Variants in ESRRG observed in about 807,000 individuals in gnomAD.
ESRRG encodes the protein estrogen related receptor gamma.
A neutral mutation model predicts 44.0 loss-of-function variants in ESRRG; 13 were observed. That is an observed-to-expected ratio of 0.30 (90% CI 0.19 to 0.47). ESRRG has a LOEUF of 0.47. Among genes scored for constraint, ESRRG ranks in the 20% least tolerant of loss-of-function variants. The pLI, the probability that ESRRG is intolerant of heterozygous loss-of-function variation, is 1.00. For missense variants in ESRRG, 395 were observed against 580.6 expected (o/e 0.68, Z 3.29); for synonymous variants, 215 against 214.6 (o/e 1.00, Z -0.02).
chr1:216,737,152 A>G (rs2090059265), intron 2 of ESRRG, among the ~76,000 whole-genome samples: 1 of 152,186 alleles, frequency 6.6e-6, no homozygotes, highest in Non-Finnish European at 1.5e-5. Flanking sequence ...CTCTAAATTC[A>G]GTTCTTTCTC....
intron 2 of ESRRG, among the ~76,000 whole-genome samples, chr1:216,651,805 T>C (rs553104085): frequency 6.1e-4 from 93 of 152,316 alleles, no homozygotes; most frequent in South Asian, 1.2e-3. Flanking sequence ...TAAACTGCTA[T>C]GAAATTATAT....
chr1:216,885,681 T>C (rs1034908773), intron 2 of ESRRG, among the ~76,000 whole-genome samples: 6 of 152,136 alleles, frequency 3.9e-5, no homozygotes, highest in African/African-American at 1.4e-4. Flanking sequence ...TCCTTAAAAA[T>C]ATTCTGAGAT....
chr1:216,823,997 C>A lies in ESRRG; in HGVS notation c.-14+115585G>T, dbSNP rs2095346909. On this transcript the variant is annotated intron_variant, in intron 2 of 7. Coordinates refer to the ESRRG transcript ENST00000359162. ...TTGAGGGCAGGTTCCAACTACAATGCATTCTTCTTATTTATCTTTTTTTCT... is the reference window on the plus strand; with the variant it reads ...TTGAGGGCAGGTTCCAACTACAATGAATTCTTCTTATTTATCTTTTTTTCT... Among the ~76,000 whole-genome samples the A allele has an allele frequency of 2.0e-5, 3 of 152,102 alleles. No homozygotes were observed. In the South Asian group the frequency reaches 6.2e-4, roughly 32 times the overall value.
chr1:216,766,262 T>C lies in ESRRG; in HGVS notation c.-13-88771A>G, dbSNP rs570157632. On this transcript the variant is annotated intron_variant, in intron 2 of 7. Transcript: ENST00000359162. ...ACAAAGATGAAGATAACTCCCTGCA[T>C]TGGATATTTGAATTTATAGCTGCTG... Among the ~76,000 whole-genome samples the C allele has an allele frequency of 6.6e-5, 10 of 152,156 alleles. No homozygotes were observed. The South Asian group carries it at 2.1e-3, about 32-fold the overall frequency.
intron 3 of ESRRG, among the ~76,000 whole-genome samples, chr1:216,645,745 G>A (rs1346693606): frequency 6.6e-6 from 1 of 151,616 alleles, no homozygotes; most frequent in Admixed American, 6.6e-5. Flanking sequence ...GGTGGCATGG[G>A]CCTGTAGTCC....
At chr1:216,697,897 A>G (rs1409402351) in intron 1 of ESRRG, among the ~76,000 whole-genome samples, 2 of 152,206 alleles carry the variant, frequency 1.3e-5, no homozygotes, top group Non-Finnish European at 2.9e-5. Flanking sequence ...ACTACTATGA[A>G]TAAAGGCATA....
chr1:216,653,138 A>G (rs1247298219), intron 2 of ESRRG, among the ~76,000 whole-genome samples: 1 of 152,158 alleles, frequency 6.6e-6, no homozygotes, highest in African/African-American at 2.4e-5. Context: ...CACTGCCACA[A>G]ACATAATCAT....
chr1:216,775,416 C>T (rs74141650), intron 2 of ESRRG, among the ~76,000 whole-genome samples: 1 of 152,098 alleles, frequency 6.6e-6, no homozygotes, highest in African/African-American at 2.4e-5. Context: ...TCAATAAGCA[C>T]CTCAAAAGTC....
intron 1 of ESRRG, among the ~76,000 whole-genome samples, chr1:217,126,065 G>T (rs2092885401): frequency 6.6e-6 from 1 of 152,120 alleles, no homozygotes; most frequent in Non-Finnish European, 1.5e-5. Context: ...AGATATTGTG[G>T]TAGAGGAGGC....
At chr1:216,980,581 C>A (rs925564498) in intron 1 of ESRRG, among the ~76,000 whole-genome samples, 2 of 152,114 alleles carry the variant, frequency 1.3e-5, no homozygotes, top group East Asian at 3.9e-4. Flanking sequence ...TGTTTACCCA[C>A]ATTATCTCAT....
At chr1:216,630,872 G>GAAAAGAA (rs1396010784) in intron 3 of ESRRG, among the ~76,000 whole-genome samples, 1 of 151,936 alleles carries the variant, frequency 6.6e-6, no homozygotes, top group East Asian at 1.9e-4. Flanking sequence ...AGAGAATGCT[G>GAAAAGAA]TCCTGATGAT....
intron 2 of ESRRG, among the ~76,000 whole-genome samples, chr1:216,798,348 A>G (rs2094528684): frequency 6.6e-6 from 1 of 151,532 alleles, no homozygotes; most frequent in African/African-American, 2.4e-5. Context: ...TCTGAATGGT[A>G]AGTATATGAA....
intron 2 of ESRRG, among the ~76,000 whole-genome samples, chr1:216,907,171 G>A (rs1426377687): frequency 1.3e-5 from 2 of 152,170 alleles, no homozygotes; most frequent in Non-Finnish European, 2.9e-5. Flanking sequence ...GCCACCGGCT[G>A]TTACTGACTC....
At chr1:216,792,752 A>G (rs1299403748) in intron 2 of ESRRG, among the ~76,000 whole-genome samples, 1 of 152,202 alleles carries the variant, frequency 6.6e-6, no homozygotes. Flanking sequence ...ATTATTTTAC[A>G]ACAAACTCTG....
intron 1 of ESRRG, among the ~76,000 whole-genome samples, chr1:216,680,520 C>G (rs577903464): frequency 1.3e-5 from 2 of 152,276 alleles, no homozygotes; most frequent in South Asian, 4.1e-4. Context: ...GCAATTATAT[C>G]CACAGCCCAC....
At chr1:216,547,785 A>G (rs1349522685) in intron 5 of ESRRG, among the ~76,000 whole-genome samples, 1 of 152,074 alleles carries the variant, frequency 6.6e-6, no homozygotes, top group Non-Finnish European at 1.5e-5. Context: ...TTAGCCGGCA[A>G]ACATTGAGAT....
At chr1:216,514,131 A>G (rs2043496857) in intron 6 of ESRRG, among the ~76,000 whole-genome samples, 1 of 152,166 alleles carries the variant, frequency 6.6e-6, no homozygotes, top group Non-Finnish European at 1.5e-5. Context: ...TTGAACATGA[A>G]AAGAAATATT....
chr1:216,779,206 T>C lies in ESRRG; in HGVS notation c.-13-101715A>G, dbSNP rs1449729038. On this transcript the variant is annotated intron_variant, in intron 2 of 7. Transcript: ENST00000359162. Reference sequence around the variant, plus strand: ...ATAAATATATATTTATATTTATAAATATAAATATATATTTATATTTATAAA... The same window carrying C: ...ATAAATATATATTTATATTTATAAACATAAATATATATTTATATTTATAAA... Among the ~76,000 whole-genome samples the C allele has an allele frequency of 8.3e-4, 74 of 88,692 alleles. 2 individuals are homozygous for C. Among genetic ancestry groups the C allele is most frequent in the African/African-American group, 3.1e-3 (60 of 19,634 alleles). The allele number at this position is 88,692 out of a possible 152,430, so 58.2% of individuals were successfully genotyped here.
intron 3 of ESRRG, among the ~76,000 whole-genome samples, chr1:216,601,966 A>G (rs1025701403): frequency 3.3e-5 from 5 of 152,200 alleles, no homozygotes; most frequent in Non-Finnish European, 5.9e-5. Context: ...CCTCTTAATT[A>G]ACAACAACAA....
Sources: allele counts gnomAD v4.1 joint callset (sites outside exome capture counted in the v4.1 genomes callset), GRCh38; gene constraint gnomAD v4.1.1; transcripts MANE v1.5; gene names NCBI Gene and HGNC (gene_info 2026-07-23, HGNC 2026-07-21).